SUMF1: variants seen among roughly 807,000 people sequenced by gnomAD.
SUMF1 encodes sulfatase modifying factor 1.
In SUMF1, 48 loss-of-function variants were observed where a neutral mutation model predicts 47.6. The observed-to-expected ratio is 1.01, with a 90% CI of 0.80 to 1.28. The LOEUF is 1.28. SUMF1 is among the 50% of genes most tolerant of loss of function. The pLI is 0.00. For missense variants in SUMF1, 571 were observed against 485.4 expected, an observed-to-expected ratio of 1.18 and a Z score of -1.66; for synonymous variants, 230 against 192.1, an observed-to-expected ratio of 1.20 and a Z score of -1.63.
chr3:4,344,326 G>C (rs1699331108), intron 8 of SUMF1, among the ~76,000 whole-genome samples: 1 of 152,194 alleles, frequency 6.6e-6, no homozygotes, highest in African/African-American at 2.4e-5. Flanking sequence ...AGAAGGAGTA[G>C]GCAACCATCT....
chr3:4,260,172 A>T (rs1697054924), intron 8 of SUMF1, among the ~76,000 whole-genome samples: 1 of 152,162 alleles, frequency 6.6e-6, no homozygotes, highest in South Asian at 2.1e-4. Context: ...TGAAGTCATA[A>T]AGGGAATAGA....
intron 8 of SUMF1, among the ~76,000 whole-genome samples, chr3:4,340,963 TA>T (rs1699260243): frequency 6.6e-6 from 1 of 152,216 alleles, no homozygotes; most frequent in Admixed American, 6.5e-5. Context: ...TTTCTTCTTC[TA>T]CACAAACATT....
chr3:4,297,793 C>G (rs1027635173), intron 8 of SUMF1, among the ~76,000 whole-genome samples: 1 of 152,110 alleles, frequency 6.6e-6, no homozygotes, highest in African/African-American at 2.4e-5. Flanking sequence ...CCTTTCATCA[C>G]TGGCTACAAA....
intron 8 of SUMF1, among the ~76,000 whole-genome samples, chr3:4,355,608 TC>T (rs1439816316): frequency 6.6e-6 from 1 of 152,172 alleles, no homozygotes; most frequent in East Asian, 1.9e-4. Context: ...GTTTCACTTT[TC>T]CCCTAAGTGT....
intron 8 of SUMF1, among the ~76,000 whole-genome samples, chr3:4,249,012 T>G (rs1017868098): frequency 2.0e-5 from 3 of 152,174 alleles, no homozygotes; most frequent in African/African-American, 4.8e-5. Flanking sequence ...CGTCCCCTTC[T>G]CCTTCACTTC....
Position 4,113,292 on chromosome 3 carries a change from G to T in SUMF1, c.1015-44547C>A, listed in dbSNP as rs200289117. ...ACCTGTAATCTCAATACTTTGGGAG[G>T]CCAAGGCAGGAGGATTGCTTGAGGC... On this transcript the variant is annotated intron_variant and NMD_transcript_variant, in intron 8 of 12. Coordinates refer to the SUMF1 transcript ENST00000448413. Among the ~76,000 whole-genome samples, 6 of 152,084 alleles carry T rather than the reference G, an allele frequency of 3.9e-5. No individual in the cohort carries two copies. In the East Asian group the frequency reaches 1.2e-3, roughly 29 times the overall value.
intron 7 of SUMF1, among the ~76,000 whole-genome samples, chr3:4,380,608 G>T (rs896285945): frequency 1.3e-5 from 2 of 152,124 alleles, no homozygotes; most frequent in Non-Finnish European, 1.5e-5. Flanking sequence ...AGTCTCAGTG[G>T]AAAAACATAT....
intron 8 of SUMF1, among the ~76,000 whole-genome samples, chr3:4,299,985 C>G (rs977119187): frequency 6.6e-6 from 1 of 152,232 alleles, no homozygotes; most frequent in African/African-American, 2.4e-5. Context: ...AATCAATTCC[C>G]TATTGATATA....
chr3:4,108,634 T>C (rs1383884259), intron 8 of SUMF1, among the ~76,000 whole-genome samples: 1 of 152,166 alleles, frequency 6.6e-6, no homozygotes, highest in Non-Finnish European at 1.5e-5. Flanking sequence ...ATATTTAGGA[T>C]AGTTAGCTCT....
chr3:4,161,406 C>T (rs1195657004), intron 8 of SUMF1, among the ~76,000 whole-genome samples: 1 of 152,122 alleles, frequency 6.6e-6, no homozygotes, highest in Non-Finnish European at 1.5e-5. Context: ...TCTCCCAGGC[C>T]CTCGGTGGGT....
chr3:4,145,830 T>G (rs1341001660), intron 8 of SUMF1, among the ~76,000 whole-genome samples: 1 of 152,176 alleles, frequency 6.6e-6, no homozygotes, highest in Non-Finnish European at 1.5e-5. Context: ...AAGATACTTC[T>G]GTCAAAAGGC....
Position 4,283,920 on chromosome 3 carries a change from C to T in SUMF1, c.1014+92410G>A, listed in dbSNP as rs1289150310. On this transcript the variant is annotated intron_variant and NMD_transcript_variant, in intron 8 of 12. Coordinates refer to the SUMF1 transcript ENST00000448413. ...AAGAGGTATGGGATCTCTCAGGGGC[C>T]TCTTTCTTAAGGGCCCTAGTCCCAT... 5.3e-5 allele frequency among the ~76,000 whole-genome samples: 8 copies of T among 152,248 alleles called. No homozygotes were observed. In the East Asian group the frequency reaches 1.5e-3, roughly 29 times the overall value.
chr3:4,412,996 A>AT (rs1359190743), intron 6 of SUMF1, among the ~76,000 whole-genome samples: 1 of 151,672 alleles, frequency 6.6e-6, no homozygotes, highest in East Asian at 2.0e-4. Flanking sequence ...CTGAGGTCCT[A>AT]TGTGTGCATC....
chr3:4,313,822 A>G (rs1284059379), intron 8 of SUMF1: 2 of 1,603,288 alleles, frequency 1.2e-6, no homozygotes, highest in South Asian at 2.2e-5. Context: ...GTGGTTGGCT[A>G]GCTTTACCTC....
At chr3:4,252,632 G>C (rs1377629329) in intron 8 of SUMF1, among the ~76,000 whole-genome samples, 1 of 152,120 alleles carries the variant, frequency 6.6e-6, no homozygotes, top group African/African-American at 2.4e-5. Flanking sequence ...TAGGAAAGTT[G>C]AAAGTTACAA....
intron 6 of SUMF1, among the ~76,000 whole-genome samples, chr3:4,415,202 C>T (rs1280467120): frequency 1.5e-5 from 2 of 132,098 alleles, no homozygotes; most frequent in African/African-American, 6.0e-5. Context: ...ACTCCAGCCT[C>T]GGCAACAGAG....
chr3:4,316,811 T>C (rs1237986441), intron 8 of SUMF1: 3 of 1,550,714 alleles, frequency 1.9e-6, no homozygotes, highest in Non-Finnish European at 2.6e-6. Context: ...GGTCTGCTGC[T>C]GGTCTGATCC....
chr3:4,095,486 A>G (rs1692881445), intron 8 of SUMF1, among the ~76,000 whole-genome samples: 1 of 152,128 alleles, frequency 6.6e-6, no homozygotes, highest in Non-Finnish European at 1.5e-5. Context: ...AAGATTTAAG[A>G]GCCAAGCCAG....
At chr3:4,178,386 C>T (rs1695016845) in intron 8 of SUMF1, among the ~76,000 whole-genome samples, 1 of 152,190 alleles carries the variant, frequency 6.6e-6, no homozygotes, top group Non-Finnish European at 1.5e-5. Flanking sequence ...TCTGGTTCAA[C>T]ATACACAAAT....
Sources: gnomAD v4.1 joint callset for allele counts (sites outside exome capture counted in the v4.1 genomes callset) on GRCh38, gnomAD v4.1.1 for gene constraint, MANE v1.5 for transcripts, NCBI Gene and HGNC (gene_info 2026-07-23, HGNC 2026-07-21) for gene names.